GABBR2: variants seen among roughly 807,000 people sequenced by gnomAD.
GABBR2 encodes the protein G-protein coupled receptor 51.
Under a neutral mutation model 105.6 loss-of-function variants are expected in GABBR2, and 23 were observed. The observed-to-expected ratio is 0.22, with a 90% CI of 0.16 to 0.31. GABBR2 has a LOEUF of 0.31. GABBR2 is among the 10% of genes least tolerant of loss of function. The pLI is 1.00. For missense variants in GABBR2, 734 were observed against 1,245.5 expected (o/e 0.59, Z 6.18); for synonymous variants, 478 against 499.7 (o/e 0.96, Z 0.58).
At chr9:98,342,253 G>A (rs1480548683) in intron 13 of GABBR2, among the ~76,000 whole-genome samples, 1 of 151,956 alleles carries the variant, frequency 6.6e-6, no homozygotes, top group Non-Finnish European at 1.5e-5. Flanking sequence ...CATATTGGGG[G>A]TGGAAAGGGG....
intron 5 of GABBR2, among the ~76,000 whole-genome samples, chr9:98,475,829 G>C (rs138266678): frequency 6.6e-6 from 1 of 152,324 alleles, no homozygotes; most frequent in African/African-American, 2.4e-5. Context: ...TTGGGAGGCC[G>C]AGGTGGGCGG....
chr9:98,662,339 T>G (rs1261601040), intron 1 of GABBR2, among the ~76,000 whole-genome samples: 1 of 152,168 alleles, frequency 6.6e-6, no homozygotes, highest in Admixed American at 6.5e-5. Flanking sequence ...TTGAGAGGTT[T>G]GAGTGAAGCA....
intron 2 of GABBR2, among the ~76,000 whole-genome samples, chr9:98,551,623 T>C (rs1442714356): frequency 1.3e-5 from 2 of 152,138 alleles, no homozygotes; most frequent in African/African-American, 2.4e-5. Context: ...AAGAGAGCCA[T>C]GAGCATCTCT....
intron 7 of GABBR2, among the ~76,000 whole-genome samples, chr9:98,415,893 T>C (rs536401945): frequency 3.9e-5 from 6 of 152,272 alleles, no homozygotes; most frequent in Admixed American, 2.6e-4. Flanking sequence ...AAGGAGTCAT[T>C]GATCAGAAAA....
At chr9:98,542,682 G>A (rs1014254680) in intron 2 of GABBR2, among the ~76,000 whole-genome samples, 2 of 152,004 alleles carry the variant, frequency 1.3e-5, no homozygotes, top group African/African-American at 4.8e-5. Flanking sequence ...ACATTTTATC[G>A]GTTTGCAAAT....
chr9:98,371,549 A>G lies in GABBR2; in HGVS notation c.1685T>C (p.Val562Ala). Residue 562 changes from valine to alanine, a missense_variant, in exon 12 of 19, where the codon GTG (valine) becomes GCG (alanine). Physicochemically the swap from Val to Ala is moderately conservative, Grantham distance 64. This residue lies in a region of GABBR2 where 17 missense variants were observed against 67.8 expected (regional missense o/e 0.25). Transcript: ENST00000259455. Reference sequence around the variant, plus strand: ...GGCCCCAAAAGCGGTCGTGTAGCCCACGGTGAGAATCCAGGTCCTGACCTA... The same window carrying G: ...GGCCCCAAAAGCGGTCGTGTAGCCCGCGGTGAGAATCCAGGTCCTGACCTA... Reference protein sequence around the residue: ...LCTVRTWILTVGYTTAFGAMF... With the variant: ...LCTVRTWILTAGYTTAFGAMF... 1 of 1,609,372 alleles carries G rather than the reference A, an allele frequency of 6.2e-7. No individual in the cohort carries two copies. The highest frequency in any genetic ancestry group is 8.5e-7 in the Non-Finnish European group (1 of 1,175,706).
intron 1 of GABBR2, among the ~76,000 whole-genome samples, chr9:98,612,335 G>A (rs536016213): frequency 9.2e-5 from 14 of 152,312 alleles, no homozygotes; most frequent in African/African-American, 3.1e-4. Flanking sequence ...TCAAAGCCAG[G>A]GCTATGCTTG....
chr9:98,599,384 A>G (rs1179492255), intron 1 of GABBR2, among the ~76,000 whole-genome samples: 1 of 152,252 alleles, frequency 6.6e-6, no homozygotes, highest in Non-Finnish European at 1.5e-5. Context: ...GGGCCTTGCC[A>G]TAGTGGCTGG....
Position 98,602,459 on chromosome 9 carries a change from C to CAAA in GABBR2, c.322-24390_322-24388dup, listed in dbSNP as rs796794572. Among the ~76,000 whole-genome samples, 362 of 125,470 alleles carry CAAA rather than the reference C, an allele frequency of 2.9e-3. 5 individuals are homozygous for CAAA. Among genetic ancestry groups the CAAA allele is most frequent in the African/African-American group, 7.6e-3 (246 of 32,306 alleles). 82.3% of individuals were successfully genotyped at this position (125,470 alleles called of 152,430 possible). A position where few individuals can be genotyped will look rare whatever the true frequency, so the allele number is the denominator to read the frequency against. ...TGGGTGACAGAGCTAGACTCTGTCT[C>CAAA]AAAAAAAAAAAAAAATGGTAAATGT... On this transcript the variant is annotated intron_variant, in intron 1 of 18. Transcript: ENST00000259455.
chr9:98,577,314 G>T (rs540370598), intron 2 of GABBR2, among the ~76,000 whole-genome samples: 1 of 142,324 alleles, frequency 7.0e-6, no homozygotes, highest in East Asian at 2.0e-4. Flanking sequence ...CCAAATAACA[G>T]CTAACACTGG....
intron 1 of GABBR2, among the ~76,000 whole-genome samples, chr9:98,684,444 A>C (rs1256618150): frequency 6.6e-6 from 1 of 152,226 alleles, no homozygotes; most frequent in Non-Finnish European, 1.5e-5. Flanking sequence ...ATATGAAAAT[A>C]GGAGTTTATT....
At chr9:98,440,298 C>T (rs1421015922) in intron 7 of GABBR2, among the ~76,000 whole-genome samples, 1 of 152,212 alleles carries the variant, frequency 6.6e-6, no homozygotes, top group Non-Finnish European at 1.5e-5. Context: ...TCTCTATTTA[C>T]AAGGAGCTTG....
At chr9:98,619,104 T>C (rs1829633231) in intron 1 of GABBR2, among the ~76,000 whole-genome samples, 2 of 152,176 alleles carry the variant, frequency 1.3e-5, no homozygotes. Context: ...AGAAGTTATA[T>C]ATTTTCAATT....
intron 2 of GABBR2, among the ~76,000 whole-genome samples, chr9:98,568,474 C>G (rs1828781237): frequency 6.6e-6 from 1 of 152,150 alleles, no homozygotes; most frequent in Admixed American, 6.5e-5. Context: ...GAGGACGGGC[C>G]TGCAGGCTTG....
intron 13 of GABBR2, among the ~76,000 whole-genome samples, chr9:98,340,353 T>C (rs981753876): frequency 2.0e-5 from 3 of 152,032 alleles, no homozygotes; most frequent in Admixed American, 6.6e-5. Context: ...TAAAACCAAG[T>C]GTTTGGAGGC....
At chr9:98,494,930 G>A (rs1827247770) in intron 4 of GABBR2, among the ~76,000 whole-genome samples, 1 of 152,242 alleles carries the variant, frequency 6.6e-6, no homozygotes, top group African/African-American at 2.4e-5. Flanking sequence ...GCTATTTCAA[G>A]TGCCCACCAT....
At chr9:98,599,554 C>T (rs1251077382) in intron 1 of GABBR2, among the ~76,000 whole-genome samples, 1 of 152,218 alleles carries the variant, frequency 6.6e-6, no homozygotes, top group East Asian at 1.9e-4. Context: ...TTTCTCCTGA[C>T]CTGATGGAGG....
intron 11 of GABBR2, among the ~76,000 whole-genome samples, chr9:98,374,622 C>CGACTAAAA (rs1478931901): frequency 6.6e-6 from 1 of 152,132 alleles, no homozygotes; most frequent in Non-Finnish European, 1.5e-5. Context: ...ATCCATCCTC[C>CGACTAAAA]GACTAAAAAC....
At chr9:98,684,238 C>A (rs1362117973) in intron 1 of GABBR2, among the ~76,000 whole-genome samples, 1 of 140,468 alleles carries the variant, frequency 7.1e-6, no homozygotes, top group Non-Finnish European at 1.5e-5. Flanking sequence ...AGCAGATGAT[C>A]TGAAGTCTAT....
Sources: allele counts gnomAD v4.1 joint callset (sites outside exome capture counted in the v4.1 genomes callset), GRCh38; gene constraint gnomAD v4.1.1; regional missense constraint gnomAD v4.1.1; transcripts MANE v1.5; gene names NCBI Gene and HGNC (gene_info 2026-07-23, HGNC 2026-07-21).